Variants in OR1J2 observed in about 807,000 individuals in gnomAD.
OR1J2 encodes the protein olfactory receptor family 1 subfamily J member 2, also known as olfactory receptor 1J2.
For synonymous variants in OR1J2, 142 were observed against 99.7 expected (o/e 1.42, Z -2.52); for missense variants, 304 against 246.1 (o/e 1.24, Z -1.57).
chr9:122,464,121 C>T, the OR1J2 span, among the ~76,000 whole-genome samples: 2 of 152,138 alleles, frequency 1.3e-5, no homozygotes, highest in Non-Finnish European at 2.9e-5. Context: ...GCTGTGGCTG[C>T]TGTGGGGGCT....
At chr9:122,526,531 T>C in the OR1J2 span, 2 of 1,606,012 alleles carry the variant, frequency 1.2e-6, no homozygotes, top group South Asian at 2.2e-5. Flanking sequence ...AGGTAGGCAC[T>C]GAAGAGGGTC....
At chr9:122,532,536 A>G in the OR1J2 span, among the ~76,000 whole-genome samples, 3 of 149,660 alleles carry the variant, frequency 2.0e-5, no homozygotes, top group South Asian at 2.2e-4. Context: ...AGTCCGGGCC[A>G]GGAACAATGG....
the OR1J2 span, among the ~76,000 whole-genome samples, chr9:122,563,150 C>T: frequency 1.3e-5 from 2 of 150,532 alleles, no homozygotes; most frequent in Non-Finnish European, 2.9e-5. Context: ...TGTATAAGTG[C>T]TCCCCTTTCT....
the OR1J2 span, among the ~76,000 whole-genome samples, chr9:122,504,688 A>T: frequency 6.6e-6 from 1 of 152,100 alleles, no homozygotes; most frequent in East Asian, 1.9e-4. Flanking sequence ...CTTTAGTCCA[A>T]GGTGTCTCCA....
the OR1J2 span, among the ~76,000 whole-genome samples, chr9:122,468,183 G>A: frequency 6.6e-6 from 1 of 152,278 alleles, no homozygotes; most frequent in Non-Finnish European, 1.5e-5. Context: ...GCTGCTTAAG[G>A]TCATAATGCC....
Position 122,511,070 on chromosome 9 carries a change from A to G in OR1J2, c.269A>G (p.Lys90Arg). 7.6e-7 allele frequency: 1 copy of G among 1,321,030 alleles called. No homozygotes were observed. Among genetic ancestry groups the G allele is most frequent in the Non-Finnish European group, 1.1e-6 (1 of 925,132 alleles). The allele number at this position is 1,321,030 out of a possible 1,614,324, so 81.8% of individuals were successfully genotyped here. Residue 90 changes from lysine to arginine, a missense_variant, in exon 1 of 1, where the codon AAA becomes AGA. Coordinates refer to ENST00000335302, the MANE Select transcript of OR1J2 (RefSeq NM_054107.1). ...KMLMDMRTKY[K>R]SILYEECISQ... ...CTGATGGACATGCGGACTAAGTACAAATCGATCCTCTATGAGGAATGCATT... is the reference window on the plus strand; with the variant it reads ...CTGATGGACATGCGGACTAAGTACAGATCGATCCTCTATGAGGAATGCATT...
chr9:122,567,677 G>A, the OR1J2 span: 17 of 1,614,004 alleles, frequency 1.1e-5, no homozygotes, highest in Middle Eastern at 1.6e-4. Flanking sequence ...CCTTGACAGC[G>A]TAGGTGGATG....
chr9:122,505,859 T>C (rs1371342468), upstream of OR1J2, among the ~76,000 whole-genome samples: 1 of 152,178 alleles, frequency 6.6e-6, no homozygotes, highest in South Asian at 2.1e-4. Flanking sequence ...TTCATTTAGT[T>C]TTCTTTCCCT....
the OR1J2 span, among the ~76,000 whole-genome samples, chr9:122,472,660 G>A: frequency 5.3e-5 from 8 of 152,170 alleles, no homozygotes; most frequent in Admixed American, 2.0e-4. Flanking sequence ...TGGATAAAAA[G>A]TATGCTCTGG....
the OR1J2 span, among the ~76,000 whole-genome samples, chr9:122,537,221 C>T: frequency 6.6e-5 from 10 of 152,158 alleles, no homozygotes; most frequent in South Asian, 4.1e-4. Flanking sequence ...CTGCATGCAC[C>T]GGTGGTCAGA....
At chr9:122,562,436 AG>A in the OR1J2 span, among the ~76,000 whole-genome samples, 50 of 152,212 alleles carry the variant, frequency 3.3e-4, no homozygotes, top group Admixed American at 3.3e-3. Flanking sequence ...TTGGGACCCT[AG>A]GCCCTGGTGG....
At chr9:122,564,744 C>A in the OR1J2 span, among the ~76,000 whole-genome samples, 2 of 152,198 alleles carry the variant, frequency 1.3e-5, no homozygotes, top group Admixed American at 1.3e-4. Flanking sequence ...ATTGATCTGG[C>A]AAATGACTTT....
At chr9:122,510,477 T>C (rs1333287534), upstream of OR1J2, among the ~76,000 whole-genome samples, 1 of 149,878 alleles carries the variant, frequency 6.7e-6, no homozygotes, top group African/African-American at 2.5e-5. Context: ...TTTTGCACTT[T>C]CTGAAATAAA....
chr9:122,476,176 A>G, the OR1J2 span, among the ~76,000 whole-genome samples: 1 of 152,226 alleles, frequency 6.6e-6, no homozygotes, highest in Admixed American at 6.5e-5. Context: ...AGTGTGGGCT[A>G]TATTCTGGAA....
the OR1J2 span, among the ~76,000 whole-genome samples, chr9:122,501,235 C>T: frequency 2.6e-5 from 4 of 151,926 alleles, no homozygotes; most frequent in East Asian, 1.9e-4. Context: ...TTTTGTGAAC[C>T]GTTGTTGAAT....
At chr9:122,540,020 C>T in the OR1J2 span, among the ~76,000 whole-genome samples, 8 of 151,086 alleles carry the variant, frequency 5.3e-5, no homozygotes, top group South Asian at 2.1e-4. Context: ...TATTAGCCCT[C>T]TGTCAGATGA....
the OR1J2 span, chr9:122,568,454 G>C: frequency 6.3e-7 from 1 of 1,596,634 alleles, no homozygotes; most frequent in Non-Finnish European, 8.5e-7. Flanking sequence ...CGGAGACACT[G>C]CTGGTGTGGT....
chr9:122,467,223 G>T, the OR1J2 span, among the ~76,000 whole-genome samples: 735 of 152,212 alleles, frequency 4.8e-3, 5 homozygotes, highest in African/African-American at 0.017. Context: ...GTAATAAAAA[G>T]ATTACAAATG....
At chr9:122,551,051 TGAGTAAA>T in the OR1J2 span, among the ~76,000 whole-genome samples, 3 of 151,900 alleles carry the variant, frequency 2.0e-5, no homozygotes, top group African/African-American at 7.3e-5. Flanking sequence ...ATAAATGAAT[TGAGTAAA>T]GTTTCATGAT....
Sources: gnomAD v4.1 joint callset for allele counts (sites outside exome capture counted in the v4.1 genomes callset) on GRCh38, gnomAD v4.1.1 for gene constraint, MANE v1.5 for transcripts, NCBI Gene and HGNC (gene_info 2026-07-23, HGNC 2026-07-21) for gene names.